Variants in SLC17A6 observed in about 807,000 individuals in gnomAD.
SLC17A6 encodes the protein solute carrier family 17 member 6.
SLC17A6 carries 35 observed loss-of-function variants against 67.1 expected under a neutral mutation model. The observed-to-expected ratio is 0.52, with a 90% CI of 0.40 to 0.69. SLC17A6 has a LOEUF of 0.69. Among genes scored for constraint, SLC17A6 ranks in the 30% least tolerant of loss-of-function variants. The pLI is 0.00. For synonymous variants in SLC17A6, 285 were observed against 252.3 expected (o/e 1.13, Z -1.23); for missense variants, 588 against 723.9 (o/e 0.81, Z 2.15).
intron 11 of SLC17A6, 116 bp from the exon 12 acceptor site, chr11:22,377,289 G>T (rs1268681269): frequency 1.2e-6 from 1 of 865,172 alleles, no homozygotes; most frequent in Non-Finnish European, 1.8e-6. Context: ...TCAGGATATG[G>T]ATTTTTCCCA....
Position 22,361,108 on chromosome 11 carries a change from G to C in SLC17A6, c.661+124G>C, listed in dbSNP as rs536732758. 3.6e-4 allele frequency: 230 copies of C among 634,590 alleles called. No homozygotes were observed. The African/African-American group carries it at 3.9e-3, about 11-fold the overall frequency. The allele number at this position is 634,590 out of a possible 1,614,324, so 39.3% of individuals were successfully genotyped here. ...GGTTTTGTATGAACATCTGTGAGTG[G>C]TAAGGTTTTTGACCACCATTTCCAT... is the stretch of plus-strand genomic sequence containing the variant. On this transcript the variant is annotated intron_variant, in intron 5 of 11. Coordinates refer to ENST00000263160, the MANE Select transcript of SLC17A6 (RefSeq NM_020346.3).
chr11:22,341,402 C>T lies in SLC17A6; in HGVS notation c.87-126C>T, dbSNP rs540483550. 459 of 1,379,152 alleles carry T rather than the reference C, an allele frequency of 3.3e-4. 1 individual carries two copies. In the East Asian group the frequency reaches 6.0e-3, roughly 18 times the overall value. The allele number at this position is 1,379,152 out of a possible 1,614,324, so 85.4% of individuals were successfully genotyped here. A position where few individuals can be genotyped will look rare whatever the true frequency, so the allele number is the denominator to read the frequency against. ...TTGGTGTCACCCCACCACCCTAATC[C>T]CCGAGGGTGGGGGGAGGTCGACGGC... On this transcript the variant is annotated intron_variant, in intron 1 of 11. Coordinates refer to ENST00000263160, the MANE Select transcript of SLC17A6 (RefSeq NM_020346.3).
chr11:22,359,366 T>C (rs531622731), intron 3 of SLC17A6, 47 bp from the exon 4 acceptor site: 14 of 1,199,916 alleles, frequency 1.2e-5, no homozygotes, highest in Non-Finnish European at 1.5e-5. Flanking sequence ...TATGTATATA[T>C]AAGATGCTGA....
intron 8 of SLC17A6, among the ~76,000 whole-genome samples, chr11:22,371,664 G>A (rs779485482): frequency 1.3e-5 from 2 of 152,010 alleles, no homozygotes; most frequent in Non-Finnish European, 2.9e-5. Flanking sequence ...TTTTGGTCCT[G>A]TAGCTCCAAT....
At chr11:22,339,703 T>C (rs1590375272) in intron 1 of SLC17A6, among the ~76,000 whole-genome samples, 2 of 152,272 alleles carry the variant, frequency 1.3e-5, no homozygotes, top group African/African-American at 2.4e-5. Context: ...AAGAAAATGA[T>C]CAAACCACTC....
intron 3 of SLC17A6, among the ~76,000 whole-genome samples, chr11:22,355,222 C>T (rs970283085): frequency 6.6e-6 from 1 of 152,186 alleles, no homozygotes; most frequent in Non-Finnish European, 1.5e-5. Flanking sequence ...CCCAGGCAGT[C>T]TGGCTCAGGA....
intron 3 of SLC17A6, among the ~76,000 whole-genome samples, chr11:22,353,886 T>C (rs1855969617): frequency 6.6e-6 from 1 of 152,166 alleles, no homozygotes. Flanking sequence ...ATGGTACTGC[T>C]AAACCAATGA....
At position 22,341,794 on chromosome 11, in the gene SLC17A6, G is replaced by A; in HGVS notation, c.339+14G>A. 1 of 1,612,406 alleles carries A rather than the reference G, an allele frequency of 6.2e-7. No individual in the cohort carries two copies. The highest frequency in any genetic ancestry group is 1.3e-5 in the African/African-American group (1 of 75,046). On this transcript the variant is annotated intron_variant, in intron 2 of 11. Transcript: ENST00000263160. Reference sequence around the variant, plus strand: ...GTCATCAAGGAGGTGGGCAACGTCTGGCCGCCCTGGCTCCTGCCCTTCGGC... The same window carrying A: ...GTCATCAAGGAGGTGGGCAACGTCTAGCCGCCCTGGCTCCTGCCCTTCGGC...
rs1161427597 is a variant in SLC17A6 at position 22,365,620 on chromosome 11, T to C, written c.822T>C (p.Ile274=). 1 of 1,613,954 alleles carries C rather than the reference T, an allele frequency of 6.2e-7. No individual in the cohort carries two copies. ...AAAGTCCTGCAAAGCATCCTACTAT[T>C]ACAGATGAAGAACGTAGGTACATAG... The part of the protein sequence containing the change: ...SYESPAKHPT[I]TDEERRYIEE... The change falls in exon 7 of 12, where the codon ATT becomes ATC. Residue 274 remains isoleucine, a synonymous_variant. Transcript: ENST00000263160.
chr11:22,357,591 A>C (rs938100257), intron 3 of SLC17A6, among the ~76,000 whole-genome samples: 6 of 152,214 alleles, frequency 3.9e-5, no homozygotes, highest in Non-Finnish European at 8.8e-5. Flanking sequence ...AGAGGTTAAG[A>C]AACTAAGCTA....
In SLC17A6 at chr11:22,377,916, G is replaced by T. The variant is rs576119063; in HGVS notation, c.*176G>T. The T allele has an allele frequency of 3.6e-6, 2 of 561,978 alleles. No homozygotes were observed. Among genetic ancestry groups the T allele is most frequent in the South Asian group, 5.9e-5 (2 of 34,092 alleles). The allele number at this position is 561,978 out of a possible 1,614,324, so 34.8% of individuals were successfully genotyped here. ...ACCATCAAGTGCAATCTGTAAAATT[G>T]TGAAGTTCCATCATTTCCATTCAAG... is the stretch of plus-strand genomic sequence containing the variant. On this transcript the variant is annotated 3_prime_UTR_variant, in exon 12 of 12. Coordinates refer to ENST00000263160, the MANE Select transcript of SLC17A6 (RefSeq NM_020346.3).
At position 22,357,640 on chromosome 11, in the gene SLC17A6, A is replaced by G. The variant is rs185490926; in HGVS notation, c.459-1773A>G. Among the ~76,000 whole-genome samples, 6 of 152,344 alleles carry G rather than the reference A, an allele frequency of 3.9e-5. No homozygotes were observed. In the East Asian group the frequency reaches 1.2e-3, roughly 29 times the overall value. On this transcript the variant is annotated intron_variant, in intron 3 of 11. Coordinates refer to ENST00000263160, the MANE Select transcript of SLC17A6 (RefSeq NM_020346.3). ...ATTCATCTCTCACCAGCTTATCACG[A>G]GACAATCGTATTTACAAACCCTTCA...
chr11:22,338,647 T>C, intron 1 of SLC17A6, 28 bp downstream of exon 1: 1 of 1,544,702 alleles, frequency 6.5e-7, no homozygotes, highest in Non-Finnish European at 8.9e-7. Flanking sequence ...CTTGCTTACC[T>C]GGGGCTCAGC....
chr11:22,347,998 T>C (rs752769341), intron 3 of SLC17A6, among the ~76,000 whole-genome samples: 7 of 152,186 alleles, frequency 4.6e-5, no homozygotes, highest in Non-Finnish European at 8.8e-5. Context: ...CACTTGGTTG[T>C]AGCATATAGT....
chr11:22,351,979 T>C (rs957719262), intron 3 of SLC17A6, among the ~76,000 whole-genome samples: 1 of 152,206 alleles, frequency 6.6e-6, no homozygotes, highest in African/African-American at 2.4e-5. Flanking sequence ...TTCTGTCTTC[T>C]AGCATCAGAC....
At chr11:22,338,759 G>T (rs1429520298) in intron 1 of SLC17A6, 140 bp downstream of exon 1, 1 of 648,644 alleles carries the variant, frequency 1.5e-6, no homozygotes, top group Non-Finnish European at 2.7e-6. Context: ...GAGCGGGGGT[G>T]CTCTGGAAAC....
At chr11:22,352,960 T>C (rs531678836) in intron 3 of SLC17A6, among the ~76,000 whole-genome samples, 46 of 152,216 alleles carry the variant, frequency 3.0e-4, no homozygotes, top group Non-Finnish European at 5.4e-4. Flanking sequence ...TCCCATTACA[T>C]GTCTTCTGCA....
At position 22,359,541 on chromosome 11, in the gene SLC17A6, G is replaced by C; in HGVS notation, c.573+14G>C. On this transcript the variant is annotated intron_variant, in intron 4 of 11. Transcript: ENST00000263160. Reference sequence around the variant, plus strand: ...GGACTTGTTGAGGTATGTAACTTCAGGGTGAAGCCTTTTTAAGATTGGCAT... The same window carrying C: ...GGACTTGTTGAGGTATGTAACTTCACGGTGAAGCCTTTTTAAGATTGGCAT... The C allele has an allele frequency of 6.6e-7, 1 of 1,512,628 alleles. No homozygotes were observed. The highest frequency in any genetic ancestry group is 8.9e-7 in the Non-Finnish European group (1 of 1,119,270). 93.7% of individuals were successfully genotyped at this position (1,512,628 alleles called of 1,614,324 possible). A position where few individuals can be genotyped will look rare whatever the true frequency, so the allele number is the denominator to read the frequency against.
intron 3 of SLC17A6, among the ~76,000 whole-genome samples, chr11:22,347,427 T>C (rs1466279353): frequency 6.6e-6 from 1 of 152,140 alleles, no homozygotes; most frequent in Admixed American, 6.5e-5. Context: ...GCTAAATATA[T>C]GTAAAGTTTT....
Sources: allele counts gnomAD v4.1 joint callset (sites outside exome capture counted in the v4.1 genomes callset), GRCh38; gene constraint gnomAD v4.1.1; transcripts MANE v1.5; gene names NCBI Gene and HGNC (gene_info 2026-07-23, HGNC 2026-07-21).